Variants in GCNT4 observed in about 807,000 individuals in gnomAD.
The protein encoded by GCNT4 is glucosaminyl (N-acetyl) transferase 4.
A neutral mutation model predicts 31.3 loss-of-function variants in GCNT4; 17 were observed. The ratio of observed to expected loss-of-function variants is 0.54; its 90% CI spans 0.37 to 0.81. GCNT4 has a LOEUF of 0.81. GCNT4 is among the 40% of genes least tolerant of loss of function. The probability of loss-of-function intolerance (pLI) is 0.00; values close to 1 mark genes in which losing one functional copy is unlikely to be tolerated. For synonymous variants in GCNT4, 158 were observed against 190.6 expected (o/e 0.83, Z 1.41); for missense variants, 503 against 525.5 (o/e 0.96, Z 0.42).
chr5:75,025,916 C>T lies in GCNT4; in HGVS notation c.*2760G>A, dbSNP rs1326422671. 6.6e-6 allele frequency: 1 copy of T among 152,014 alleles called. No homozygotes were observed. 9.4% of individuals were successfully genotyped at this position (152,014 alleles called of 1,614,324 possible). On this transcript the variant is annotated 3_prime_UTR_variant, in exon 4 of 4. Transcript: ENST00000652361. ...ACTTAAAGTCTAGATTCAATAAATA[C>T]AAAGAATAATTATAAAACACAGACT...
rs993929120 is a variant in GCNT4, at chr5:75,026,906, A to T, written c.*1770T>A. The T allele has an allele frequency of 3.9e-5, 6 of 152,118 alleles. No homozygotes were observed. Among genetic ancestry groups the T allele is most frequent in the Admixed American group, 1.3e-4 (2 of 15,268 alleles). The allele number at this position is 152,118 out of a possible 1,614,324, so 9.4% of individuals were successfully genotyped here. A position where few individuals can be genotyped will look rare whatever the true frequency, so the allele number is the denominator to read the frequency against. ...TGAAGGGGGTAAATAAAAAGGGAGAAAAATGAGTTCAAGAGAAGAAAGGGA... is the reference window on the plus strand; with the variant it reads ...TGAAGGGGGTAAATAAAAAGGGAGATAAATGAGTTCAAGAGAAGAAAGGGA... On this transcript the variant is annotated 3_prime_UTR_variant, in exon 4 of 4. Transcript: ENST00000652361.
chr5:75,049,141 T>C (rs1193513557), intron 2 of GCNT4, among the ~76,000 whole-genome samples: 1 of 152,144 alleles, frequency 6.6e-6, no homozygotes, highest in Non-Finnish European at 1.5e-5. Flanking sequence ...GTGATTAAGA[T>C]TGTTCTTTTT....
At chr5:75,031,924 T>C (rs1743072279) in intron 3 of GCNT4, among the ~76,000 whole-genome samples, 1 of 152,168 alleles carries the variant, frequency 6.6e-6, no homozygotes, top group African/African-American at 2.4e-5. Context: ...TTTCCTAACA[T>C]ATCTCAATAA....
At chr5:75,039,070 CTGTT>C (rs1339239940) in intron 3 of GCNT4, among the ~76,000 whole-genome samples, 3 of 151,878 alleles carry the variant, frequency 2.0e-5, no homozygotes, top group Admixed American at 6.6e-5. Context: ...ATCTTATTCA[CTGTT>C]TTTTTTTGTT....
chr5:75,053,306 G>T (rs1200397970), upstream of GCNT4, among the ~76,000 whole-genome samples: 1 of 152,096 alleles, frequency 6.6e-6, no homozygotes, highest in African/African-American at 2.4e-5. Flanking sequence ...AGAGAGGCCG[G>T]GGTTCAGCCC....
At chr5:75,037,901 A>G (rs1404474002) in intron 3 of GCNT4, among the ~76,000 whole-genome samples, 1 of 150,778 alleles carries the variant, frequency 6.6e-6, no homozygotes, top group East Asian at 1.9e-4. Context: ...AACAAAAAAC[A>G]AAAAAAACAA....
At chr5:75,047,280 C>T (rs1258413182) in intron 3 of GCNT4, among the ~76,000 whole-genome samples, 3 of 152,204 alleles carry the variant, frequency 2.0e-5, no homozygotes, top group Admixed American at 2.0e-4. Context: ...TAAATTTTTG[C>T]CTTCCCTACA....
intron 1 of GCNT4, 78 bp from the exon 2 acceptor site, chr5:75,052,305 T>C (rs1291661486): frequency 6.7e-6 from 1 of 149,302 alleles, no homozygotes; most frequent in Non-Finnish European, 1.5e-5. Context: ...AAGGCCAATA[T>C]CGCCTCTCTG....
chr5:75,042,747 A>C (rs116025444), intron 3 of GCNT4, among the ~76,000 whole-genome samples: 8,986 of 152,262 alleles, frequency 0.059, 287 homozygotes, highest in Middle Eastern at 0.11. Flanking sequence ...GCTCAGCTGG[A>C]GACTTCAACA....
chr5:75,047,132 TG>T (rs962725933), intron 3 of GCNT4, among the ~76,000 whole-genome samples: 13 of 152,238 alleles, frequency 8.5e-5, no homozygotes, highest in African/African-American at 3.1e-4. Flanking sequence ...ACTGCATCTC[TG>T]GGGCTTCATT....
rs1041295818 is a variant in GCNT4, at chr5:75,041,865, A to G, written c.-2+6032T>C. On this transcript the variant is annotated intron_variant, in intron 3 of 3. Transcript: ENST00000652361. Reference sequence around the variant, plus strand: ...GGCTAAAGTCTTTAGCAGGAAGTGTAAAGGGCCACATACAATGAAACTGAA... The same window carrying G: ...GGCTAAAGTCTTTAGCAGGAAGTGTGAAGGGCCACATACAATGAAACTGAA... Among the ~76,000 whole-genome samples the G allele has an allele frequency of 2.0e-5, 3 of 152,226 alleles. No homozygotes were observed. The South Asian group carries it at 6.2e-4, about 31-fold the overall frequency.
intron 3 of GCNT4, among the ~76,000 whole-genome samples, chr5:75,035,659 C>T (rs1341332198): frequency 6.6e-6 from 1 of 152,196 alleles, no homozygotes; most frequent in African/African-American, 2.4e-5. Flanking sequence ...GTGTGACCTC[C>T]CAACCGGGGT....
chr5:75,028,879 G>C lies in GCNT4; in HGVS notation c.1159C>G (p.Leu387Val). 6.2e-7 allele frequency: 1 copy of C among 1,614,004 alleles called. No individual in the cohort carries two copies. Among genetic ancestry groups the C allele is most frequent in the Non-Finnish European group, 8.5e-7 (1 of 1,179,992 alleles). ...FFYPSCTGSH[L>V]RSVCIYGAAE... Reference sequence around the variant, plus strand: ...GCTCCATAAATACACACGCTTCGAAGGTGAGATCCAGTACAACTGGGATAG... The same window carrying C: ...GCTCCATAAATACACACGCTTCGAACGTGAGATCCAGTACAACTGGGATAG... Residue 387 changes from leucine (L) to valine (V), a missense_variant, in exon 4 of 4, where the codon CTT becomes GTT. By Grantham distance (32) the Leu-to-Val change is conservative (BLOSUM62 1). Coordinates refer to ENST00000652361, the MANE Select transcript of GCNT4 (RefSeq NM_001366737.1).
chr5:75,019,513 G>A, the GCNT4 span, among the ~76,000 whole-genome samples: 16,675 of 152,160 alleles, frequency 0.11, 1,127 homozygotes, highest in African/African-American at 0.2. Context: ...CTTGGACTTG[G>A]GAGCCACACA....
At chr5:75,045,273 A>C (rs1208563491) in intron 3 of GCNT4, among the ~76,000 whole-genome samples, 2 of 152,228 alleles carry the variant, frequency 1.3e-5, no homozygotes, top group African/African-American at 2.4e-5. Flanking sequence ...TATACAAATT[A>C]AACACTAACC....
At chr5:75,024,419 TGTGA>T (rs2149943876), downstream of GCNT4, among the ~76,000 whole-genome samples, 2 of 152,276 alleles carry the variant, frequency 1.3e-5, no homozygotes, top group Admixed American at 1.3e-4. Context: ...GATTGAGATT[TGTGA>T]GTGAAATATG....
rs140312369 is a variant in GCNT4, at chr5:75,045,444, T to C, written c.-2+2453A>G. 1.2e-3 allele frequency among the ~76,000 whole-genome samples: 189 copies of C among 152,366 alleles called. 1 individual carries two copies. Among genetic ancestry groups the C allele is most frequent in the African/African-American group, 4.4e-3 (182 of 41,592 alleles). ...ATGTCTTCGAGGTTCATCCATGTTGTAGTGTGTGTCAAAATTTCTTCCCTT... is the reference window on the plus strand; with the variant it reads ...ATGTCTTCGAGGTTCATCCATGTTGCAGTGTGTGTCAAAATTTCTTCCCTT... On this transcript the variant is annotated intron_variant, in intron 3 of 3. Coordinates refer to ENST00000652361, the MANE Select transcript of GCNT4 (RefSeq NM_001366737.1).
At chr5:75,032,560 T>C (rs1285185552) in intron 3 of GCNT4, among the ~76,000 whole-genome samples, 1 of 152,174 alleles carries the variant, frequency 6.6e-6, no homozygotes, top group Non-Finnish European at 1.5e-5. Flanking sequence ...CATCCTTTCT[T>C]CTCCATCCCC....
intron 3 of GCNT4, among the ~76,000 whole-genome samples, chr5:75,037,396 T>C (rs1010990754): frequency 2.0e-5 from 3 of 152,082 alleles, no homozygotes; most frequent in African/African-American, 2.4e-5. Flanking sequence ...GGAGAAAAGA[T>C]TGCAAAAGCA....
Sources: allele counts gnomAD v4.1 joint callset (sites outside exome capture counted in the v4.1 genomes callset), GRCh38; gene constraint gnomAD v4.1.1; transcripts MANE v1.5; gene names NCBI Gene and HGNC (gene_info 2026-07-23, HGNC 2026-07-21).